THOP1: variants seen among roughly 807,000 people sequenced by gnomAD.
THOP1 encodes thimet oligopeptidase 1.
Under a neutral mutation model 71.8 loss-of-function variants are expected in THOP1, and 49 were observed. The observed-to-expected ratio is 0.68, with a 90% CI of 0.54 to 0.87. THOP1 has a LOEUF of 0.87. THOP1 is among the 40% of genes least tolerant of loss of function. THOP1 has a pLI of 0.00. For synonymous variants in THOP1, 426 were observed against 421.5 expected (o/e 1.01, Z -0.13); for missense variants, 843 against 975.6 (o/e 0.86, Z 1.81).
chr19:2,790,720 G>C, intron 2 of THOP1, 87 bp downstream of exon 2: 1 of 1,275,502 alleles, frequency 7.8e-7, no homozygotes, highest in Non-Finnish European at 1.0e-6. Context: ...CGTGGAGCCG[G>C]TTCAGAACCT....
chr19:2,807,838 C>T (rs758856718), intron 8 of THOP1, 30 bp downstream of exon 8: 3 of 1,434,372 alleles, frequency 2.1e-6, no homozygotes, highest in African/African-American at 2.9e-5. Context: ...GCGGGGGGCG[C>T]ACCCCGGCCC....
Position 2,805,171 on chromosome 19 carries a change from A to G in THOP1, c.745A>G (p.Lys249Glu), listed in dbSNP as rs748887760. The G allele has an allele frequency of 6.8e-6, 11 of 1,611,656 alleles. No individual in the cohort carries two copies. Among genetic ancestry groups the G allele is most frequent in the Non-Finnish European group, 7.6e-6 (9 of 1,179,384 alleles). Residue 249 changes from lysine to glutamate, a missense_variant, in exon 6 of 13, where the codon AAG (lysine) becomes GAG (glutamate). Transcript: ENST00000307741. This position sits in a 1 kb window ranked among gnomAD's most constrained non-coding sequence, Gnocchi z 6.6. ...KVEEAFNCRC[K>E]EENCAILKEL... Reference sequence around the variant, plus strand: ...GGAGGAGGCCTTCAACTGCCGGTGCAAGGAGGTGAGAAGGCACGGCCAGGG... The same window carrying G: ...GGAGGAGGCCTTCAACTGCCGGTGCGAGGAGGTGAGAAGGCACGGCCAGGG...
chr19:2,813,732 C>CGG lies in THOP1; in HGVS notation c.*461_*462dup, dbSNP rs942850697. ...ATTGGGGCTCAGGTCCTTGTGGGGG[C>CGG]GGGGGGTGGGGGAGTAAAGGGCTGG... On this transcript the variant is annotated 3_prime_UTR_variant, in exon 13 of 13. Coordinates refer to ENST00000307741, the MANE Select transcript of THOP1 (RefSeq NM_003249.5). 1 of 60,752 alleles carries CGG rather than the reference C, an allele frequency of 1.6e-5. No homozygotes were observed. The highest frequency in any genetic ancestry group is 3.4e-5 in the Non-Finnish European group (1 of 29,190). 3.8% of individuals were successfully genotyped at this position (60,752 alleles called of 1,614,324 possible).
At position 2,810,716 on chromosome 19, in the gene THOP1, C is replaced by T. The variant is rs150480995; in HGVS notation, c.1719C>T (p.Ala573=). The change falls in exon 11 of 13, where the codon GCC becomes GCT. Residue 573 remains alanine (A), a synonymous_variant. Transcript: ENST00000307741. The part of the protein sequence containing the change: ...ALHTQTDADP[A]EEYARLCQEI... ...ACACGCAGACGGACGCAGACCCCGC[C>T]GAGGAGTATGCGCGGCTCTGCCAGG... 1.2e-3 allele frequency: 1,943 copies of T among 1,592,362 alleles called. 24 individuals are homozygous for T. The South Asian group carries it at 0.013, about 10-fold the overall frequency.
chr19:2,796,834 G>GC (rs1568320755), intron 4 of THOP1, among the ~76,000 whole-genome samples: 1 of 152,200 alleles, frequency 6.6e-6, no homozygotes, highest in Non-Finnish European at 1.5e-5. Flanking sequence ...CAGACATGGG[G>GC]CGCAGAGGCT....
rs773744573 is a variant in THOP1, at chr19:2,799,674, C to T, written c.487-15C>T. 1.1e-5 allele frequency: 18 copies of T among 1,610,162 alleles called. No homozygotes were observed. Among genetic ancestry groups the T allele is most frequent in the Middle Eastern group, 1.7e-4 (1 of 6,046 alleles). On this transcript the variant is annotated splice_polypyrimidine_tract_variant and intron_variant, in intron 4 of 12. Transcript: ENST00000307741. ...CCGGTCTCTCCCTCCCCTCACGCCCCGCCTTTCTCTCCAGAACATCAAACG... is the reference window on the plus strand; with the variant it reads ...CCGGTCTCTCCCTCCCCTCACGCCCTGCCTTTCTCTCCAGAACATCAAACG...
chr19:2,796,284 G>T (rs1335232025), intron 4 of THOP1, 96 bp downstream of exon 4: 4 of 973,906 alleles, frequency 4.1e-6, no homozygotes, highest in African/African-American at 3.3e-5. Flanking sequence ...AGTGGTGGGA[G>T]CAAGAAGCGC....
chr19:2,792,819 A>G (rs2144760450), intron 2 of THOP1, among the ~76,000 whole-genome samples: 1 of 151,978 alleles, frequency 6.6e-6, no homozygotes, highest in African/African-American at 2.4e-5. Flanking sequence ...GTGCCTGGCT[A>G]ATTTGTTTTT....
At chr19:2,806,727 A>G in intron 6 of THOP1, 190 bp from the exon 7 acceptor site, 1 of 951,168 alleles carries the variant, frequency 1.1e-6, no homozygotes. Flanking sequence ...TGGTTCCAAA[A>G]AGGCCTTGGG....
intron 8 of THOP1, 32 bp downstream of exon 8, chr19:2,807,840 C>T: frequency 1.4e-6 from 2 of 1,432,976 alleles, no homozygotes; most frequent in Non-Finnish European, 9.1e-7. Flanking sequence ...GGGGGGCGCA[C>T]CCCGGCCCTG....
In THOP1 at chr19:2,810,279, CTG is replaced by C. The variant is rs752857343; in HGVS notation, c.1456-24_1456-23del. ...ACGGGCTAGGCAGGACCTGGGCACT[CTG>C]AGGCTCTGCCCCATCCCTGCAGGCG... On this transcript the variant is annotated intron_variant, in intron 9 of 12. Transcript: ENST00000307741. 28 of 1,605,812 alleles carry C rather than the reference CTG, an allele frequency of 1.7e-5. No homozygotes were observed. In the African/African-American group the frequency reaches 3.3e-4, roughly 19 times the overall value.
rs202010636 is a variant in THOP1 at position 2,790,596 on chromosome 19, G to A, written c.192G>A (p.Thr64=). The A allele has an allele frequency of 2.2e-5, 35 of 1,592,002 alleles. No homozygotes were observed. The East Asian group carries it at 4.0e-4, about 18-fold the overall frequency. ...TTGAGGACGTGTCCTACGAGAGCAC[G>A]CTCAAGGCGCTGGCCGATGTGGAGG... ...QEFEDVSYES[T]LKALADVEVT... Residue 64 remains threonine, a synonymous_variant, in exon 2 of 13, where the codon ACG becomes ACA. Coordinates refer to ENST00000307741, the MANE Select transcript of THOP1 (RefSeq NM_003249.5).
chr19:2,812,024 C>A, intron 12 of THOP1: 2 of 1,035,766 alleles, frequency 1.9e-6, no homozygotes, highest in Non-Finnish European at 2.7e-6. Flanking sequence ...CTGGGCCCTG[C>A]AGGAAGCTCC....
chr19:2,804,927 G>A lies in THOP1; in HGVS notation c.590-89G>A, dbSNP rs540851985. The A allele has an allele frequency of 8.5e-5, 115 of 1,354,448 alleles. 1 individual carries two copies. In the African/African-American group the frequency reaches 1.6e-3, roughly 18 times the overall value. 83.9% of individuals were successfully genotyped at this position (1,354,448 alleles called of 1,614,324 possible). A position where few individuals can be genotyped will look rare whatever the true frequency, so the allele number is the denominator to read the frequency against. ...GGGCCCCCTTGTAGCTTTCCAGGCA[G>A]AGGGGAAGCCCACCCCTTCCCTCAC... On this transcript the variant is annotated intron_variant, in intron 5 of 12. Coordinates refer to ENST00000307741, the MANE Select transcript of THOP1 (RefSeq NM_003249.5). The surrounding 1 kb of genome is among the most constrained non-coding windows in gnomAD (Gnocchi z 4.7).
chr19:2,812,519 C>A, intron 12 of THOP1: 1 of 987,792 alleles, frequency 1.0e-6, no homozygotes, highest in Non-Finnish European at 1.4e-6. Flanking sequence ...TCCAGCAGCT[C>A]CCCCTGCTGC....
chr19:2,794,064 G>T (rs752096828), intron 2 of THOP1, among the ~76,000 whole-genome samples: 19 of 151,426 alleles, frequency 1.3e-4, no homozygotes, highest in Non-Finnish European at 2.7e-4. Flanking sequence ...GCCCAGGCTG[G>T]AGTGCAGTGG....
rs372132430 is a variant in THOP1, at chr19:2,810,764, G to A, written c.1767G>A (p.Thr589=). 34 of 1,602,354 alleles carry A rather than the reference G, an allele frequency of 2.1e-5. No individual in the cohort carries two copies. Among genetic ancestry groups the A allele is most frequent in the South Asian group, 4.5e-5 (4 of 89,678 alleles). Reference sequence around the variant, plus strand: ...AGGAGATCCTCGGGGTCCCGGCCACGCCAGGTAGCCACCCTTGAGCCGGGC... The same window carrying A: ...AGGAGATCCTCGGGGTCCCGGCCACACCAGGTAGCCACCCTTGAGCCGGGC... ...LCQEILGVPA[T]PGTNMPATFG... The change falls in exon 11 of 13, where the codon ACG becomes ACA. Residue 589 remains threonine (T), a synonymous_variant. Coordinates refer to ENST00000307741, the MANE Select transcript of THOP1 (RefSeq NM_003249.5).
At chr19:2,807,314 G>C in intron 7 of THOP1, 128 bp from the exon 8 acceptor site, 1 of 1,402,660 alleles carries the variant, frequency 7.1e-7, no homozygotes, top group Non-Finnish European at 9.4e-7. Context: ...CCCTCGAGGG[G>C]TTGCCGGGAA....
rs1915854671 is a variant in THOP1 at position 2,790,642 on chromosome 19, C to T, written c.229+9C>T. 6.5e-7 allele frequency: 1 copy of T among 1,532,318 alleles called. No individual in the cohort carries two copies. 94.9% of individuals were successfully genotyped at this position (1,532,318 alleles called of 1,614,324 possible). A position where few individuals can be genotyped will look rare whatever the true frequency, so the allele number is the denominator to read the frequency against. ...GGAGGTCACCTACACAGGTAAGTCC[C>T]AGGCAGGGTCTGTGCGTGGGCCGCA... On this transcript the variant is annotated intron_variant, in intron 2 of 12. Coordinates refer to ENST00000307741, the MANE Select transcript of THOP1 (RefSeq NM_003249.5).
Sources: gnomAD v4.1 joint callset for allele counts (sites outside exome capture counted in the v4.1 genomes callset) on GRCh38, gnomAD v4.1.1 for gene constraint, Gnocchi (gnomAD v3.1) non-coding constraint, MANE v1.5 for transcripts, NCBI Gene and HGNC (gene_info 2026-07-23, HGNC 2026-07-21) for gene names.